PDE10A: variants seen among roughly 807,000 people sequenced by gnomAD.
PDE10A encodes the protein phosphodiesterase 10A.
In PDE10A, 39 loss-of-function variants were observed where a neutral mutation model predicts 97.7. That is an observed-to-expected ratio of 0.40 (90% confidence interval 0.31 to 0.52). The LOEUF is 0.52. Ranked by LOEUF, PDE10A falls within the 20% of genes least tolerant of loss-of-function variation. PDE10A has a pLI of 0.56. For missense variants in PDE10A, 731 were observed against 1,047.8 expected (o/e 0.70, Z 4.17); for synonymous variants, 371 against 376.8 (o/e 0.98, Z 0.18).
chr6:165,576,543 A>G, intron 1 of PDE10A: 2 of 716,006 alleles, frequency 2.8e-6, no homozygotes, highest in South Asian at 3.1e-5. Flanking sequence ...TTAGCTTCTA[A>G]ACAAAAACAA....
In PDE10A at chr6:165,819,766, A is replaced by G. The variant is rs1163857509; in HGVS notation, c.-615+167763T>C. Among the ~76,000 whole-genome samples the G allele has an allele frequency of 6.6e-6, 1 of 152,196 alleles. No homozygotes were observed. Among genetic ancestry groups the G allele is most frequent in the Non-Finnish European group, 1.5e-5 (1 of 68,038 alleles). On this transcript the variant is annotated intron_variant, in intron 1 of 19. Coordinates refer to the PDE10A transcript ENST00000366882. The surrounding 1 kb of genome is among the most constrained non-coding windows in gnomAD (Gnocchi z 4.2). ...CCGGCCAGGATCTGAAACCTACTGCAGTGCCTACAACAGTGCCTGCCACAC... is the reference window on the plus strand; with the variant it reads ...CCGGCCAGGATCTGAAACCTACTGCGGTGCCTACAACAGTGCCTGCCACAC...
intron 2 of PDE10A, among the ~76,000 whole-genome samples, chr6:165,500,037 A>C (rs1780771585): frequency 2.0e-5 from 3 of 152,200 alleles, no homozygotes; most frequent in Admixed American, 6.5e-5. Flanking sequence ...AGAACAAGGC[A>C]AGAGCATCTG....
intron 1 of PDE10A, among the ~76,000 whole-genome samples, chr6:165,930,763 C>G (rs1783106604): frequency 2.0e-5 from 3 of 152,222 alleles, no homozygotes; most frequent in Admixed American, 6.5e-5. Context: ...ATCCTGAGCA[C>G]TTTAATTGCC....
chr6:165,875,856 T>C (rs1317947094), intron 1 of PDE10A, among the ~76,000 whole-genome samples: 2 of 151,994 alleles, frequency 1.3e-5, no homozygotes, highest in Non-Finnish European at 2.9e-5. Context: ...GGTTTTGACT[T>C]TGGAGAAATT....
At chr6:165,530,485 A>G (rs574987517) in intron 2 of PDE10A, among the ~76,000 whole-genome samples, 2 of 152,256 alleles carry the variant, frequency 1.3e-5, no homozygotes, top group East Asian at 1.9e-4. Context: ...ACATGAACAG[A>G]AAAACTACCT....
chr6:165,631,744 G>A (rs890346673), intron 1 of PDE10A, among the ~76,000 whole-genome samples: 2 of 152,174 alleles, frequency 1.3e-5, no homozygotes, highest in African/African-American at 4.8e-5. Context: ...TGCCAAACCT[G>A]TGCAGTATGC....
intron 1 of PDE10A, among the ~76,000 whole-genome samples, chr6:165,580,303 T>A (rs1562599108): frequency 6.6e-6 from 1 of 152,056 alleles, no homozygotes; most frequent in Non-Finnish European, 1.5e-5. Flanking sequence ...GAGAAGAAAT[T>A]AAGTGAGCAA....
chr6:165,359,087 G>A (rs909559498), intron 18 of PDE10A, among the ~76,000 whole-genome samples: 1 of 151,876 alleles, frequency 6.6e-6, no homozygotes, highest in Non-Finnish European at 1.5e-5. Flanking sequence ...CACTACATAT[G>A]ATACAAACCC....
At chr6:165,890,203 T>C (rs1370804780) in intron 1 of PDE10A, among the ~76,000 whole-genome samples, 1 of 152,074 alleles carries the variant, frequency 6.6e-6, no homozygotes, top group Non-Finnish European at 1.5e-5. Context: ...GTTGTCATCA[T>C]GCAAGTAAAA....
At chr6:165,588,313 G>GC (rs1393330854) in intron 1 of PDE10A, among the ~76,000 whole-genome samples, 1 of 60,782 alleles carries the variant, frequency 1.6e-5, no homozygotes, top group African/African-American at 6.0e-5. Context: ...TTTTTGAGAT[G>GC]GAGTTTTGCT....
At position 165,565,240 on chromosome 6, in the gene PDE10A, G is replaced by A. The variant is rs539813471; in HGVS notation, c.866-21672C>T. ...CAAAAGCTTCTTGGAACTAATAAGT[G>A]ATTATATGAGATTTTCAGAATATGA... On this transcript the variant is annotated intron_variant, in intron 1 of 21. Coordinates refer to ENST00000539869, the MANE Select transcript of PDE10A (RefSeq NM_001385079.1). Among the ~76,000 whole-genome samples, 82 of 152,212 alleles carry A rather than the reference G, an allele frequency of 5.4e-4. 1 individual carries two copies. Among genetic ancestry groups the A allele is most frequent in the African/African-American group, 2.0e-3 (82 of 41,564 alleles).
In PDE10A at chr6:165,905,938, AT is replaced by A. The variant is rs577013951; in HGVS notation, c.-615+81590del. Among the ~76,000 whole-genome samples the A allele has an allele frequency of 4.8e-3, 717 of 149,324 alleles. 2 individuals carry two copies. The highest frequency in any genetic ancestry group is 0.016 in the African/African-American group (668 of 40,498). On this transcript the variant is annotated intron_variant, in intron 1 of 19. Coordinates refer to the PDE10A transcript ENST00000366882. ...GAAAAATGTGTTATTTTATAAAACA[AT>A]TTTTTTCCTTCTTTCTTTGTTCCTT...
intron 1 of PDE10A, among the ~76,000 whole-genome samples, chr6:165,739,510 A>G (rs1359585130): frequency 6.6e-6 from 1 of 152,200 alleles, no homozygotes; most frequent in Non-Finnish European, 1.5e-5. Context: ...AAAGACTTAA[A>G]TGTAAGATCT....
chr6:165,770,311 T>TA (rs199644411), intron 1 of PDE10A, among the ~76,000 whole-genome samples: 163 of 150,774 alleles, frequency 1.1e-3, no homozygotes, highest in African/African-American at 2.5e-3. Flanking sequence ...AACATCTTTT[T>TA]AAAAAAAAAG....
At chr6:165,798,230 T>C (rs1778879832) in intron 1 of PDE10A, among the ~76,000 whole-genome samples, 1 of 152,258 alleles carries the variant, frequency 6.6e-6, no homozygotes, top group Non-Finnish European at 1.5e-5. Context: ...TTCCTAATTG[T>C]ATTCTGCCTG....
intron 1 of PDE10A, among the ~76,000 whole-genome samples, chr6:165,635,531 G>A (rs1473024282): frequency 2.0e-5 from 3 of 152,068 alleles, no homozygotes; most frequent in Non-Finnish European, 2.9e-5. Flanking sequence ...CAGCGGATTT[G>A]GAATTACGCT....
intron 1 of PDE10A, among the ~76,000 whole-genome samples, chr6:165,823,947 C>A (rs919550850): frequency 6.6e-6 from 1 of 152,160 alleles, no homozygotes; most frequent in African/African-American, 2.4e-5. Flanking sequence ...TCACAGAGGG[C>A]AATACTTTTT....
At chr6:165,730,006 T>A (rs1792390152) in intron 1 of PDE10A, among the ~76,000 whole-genome samples, 1 of 152,190 alleles carries the variant, frequency 6.6e-6, no homozygotes, top group Non-Finnish European at 1.5e-5. Context: ...TGTATATCAA[T>A]CTTGAAAAAG....
At position 165,570,107 on chromosome 6, in the gene PDE10A, A is replaced by T. The variant is rs76124703; in HGVS notation, c.866-26539T>A. 5.9e-4 allele frequency among the ~76,000 whole-genome samples: 90 copies of T among 152,310 alleles called. 1 individual carries two copies. In the East Asian group the frequency reaches 0.016, roughly 26 times the overall value. On this transcript the variant is annotated intron_variant, in intron 1 of 21. Coordinates refer to ENST00000539869, the MANE Select transcript of PDE10A (RefSeq NM_001385079.1). ...GTGTGGAGAAGGGACCTTTAAGAAG[A>T]TGATTAAGTAAAATGAGGTCCATAG...
Sources: allele counts gnomAD v4.1 joint callset (sites outside exome capture counted in the v4.1 genomes callset), GRCh38; gene constraint gnomAD v4.1.1; non-coding constraint Gnocchi (gnomAD v3.1); transcripts MANE v1.5; gene names NCBI Gene and HGNC (gene_info 2026-07-23, HGNC 2026-07-21).